SNX27: variants seen among roughly 807,000 people sequenced by gnomAD.
SNX27 encodes the protein sorting nexin 27.
A neutral mutation model predicts 71.6 loss-of-function variants in SNX27; 22 were observed. That is an observed-to-expected ratio of 0.31 (90% CI 0.22 to 0.44). The LOEUF (loss-of-function observed/expected upper bound fraction) is 0.44. Among genes scored for constraint, SNX27 ranks in the 20% least tolerant of loss-of-function variants. The probability of loss-of-function intolerance (pLI) is 1.00; values close to 1 mark genes in which losing one functional copy is unlikely to be tolerated. For missense variants in SNX27, 531 were observed against 698.6 expected, an observed-to-expected ratio of 0.76 and a Z score of 2.70; for synonymous variants, 269 against 277.2, an observed-to-expected ratio of 0.97 and a Z score of 0.29.
At chr1:151,650,410 G>C (rs1669270083) in intron 2 of SNX27, among the ~76,000 whole-genome samples, 2 of 152,006 alleles carry the variant, frequency 1.3e-5, no homozygotes, top group South Asian at 2.1e-4. Flanking sequence ...CCTGCTTGAG[G>C]AATATGTGGT....
chr1:151,656,448 G>A (rs1669697676), intron 2 of SNX27, among the ~76,000 whole-genome samples: 1 of 152,168 alleles, frequency 6.6e-6, no homozygotes, highest in African/African-American at 2.4e-5. Context: ...AACATCATTA[G>A]TAATTAGGAT....
At chr1:151,652,670 C>T (rs983270652) in intron 2 of SNX27, among the ~76,000 whole-genome samples, 2 of 152,108 alleles carry the variant, frequency 1.3e-5, no homozygotes, top group African/African-American at 4.8e-5. Context: ...CTCGACCTCC[C>T]AAAGTGCTGG....
intron 1 of SNX27, 73 bp from the exon 2 acceptor site, chr1:151,638,815 C>A: frequency 7.3e-7 from 1 of 1,363,676 alleles, no homozygotes; most frequent in Non-Finnish European, 1.0e-6. Flanking sequence ...GGAGTTTGGG[C>A]AGGAGGGTGG....
rs1489446614 is a variant in SNX27, at chr1:151,698,389, C to T, written c.*3972C>T. 6.6e-6 allele frequency: 1 copy of T among 152,670 alleles called. No individual in the cohort carries two copies. Among genetic ancestry groups the T allele is most frequent in the African/African-American group, 2.4e-5 (1 of 41,466 alleles). 9.5% of individuals were successfully genotyped at this position (152,670 alleles called of 1,614,324 possible). On this transcript the variant is annotated 3_prime_UTR_variant, in exon 12 of 12. Transcript: ENST00000458013. ...AGACCAGGAGGGACTGCTGTGCTCT[C>T]CCTTCTCGCCATCATACTGTTTGGC...
chr1:151,627,972 T>G (rs527553533), intron 1 of SNX27, among the ~76,000 whole-genome samples: 10 of 151,564 alleles, frequency 6.6e-5, no homozygotes, highest in African/African-American at 2.4e-4. Context: ...CTTGGCAACA[T>G]GGACTTAAGG....
chr1:151,684,609 A>C (rs968928420), intron 8 of SNX27, among the ~76,000 whole-genome samples: 2 of 152,204 alleles, frequency 1.3e-5, no homozygotes, highest in Non-Finnish European at 2.9e-5. Context: ...TCAATTATAC[A>C]TGCTTCTCAA....
intron 1 of SNX27, among the ~76,000 whole-genome samples, chr1:151,617,714 A>G (rs1667484207): frequency 6.6e-6 from 1 of 152,218 alleles, no homozygotes; most frequent in Non-Finnish European, 1.5e-5. Context: ...CTGGTGGCCC[A>G]TGGAAAGTAT....
chr1:151,618,111 C>T (rs902808686), intron 1 of SNX27, among the ~76,000 whole-genome samples: 1 of 151,660 alleles, frequency 6.6e-6, no homozygotes, highest in Non-Finnish European at 1.5e-5. Flanking sequence ...AGTGATCTGC[C>T]CACTTTGGCC....
intron 1 of SNX27, among the ~76,000 whole-genome samples, chr1:151,634,778 C>G (rs1041653066): frequency 2.0e-5 from 3 of 152,100 alleles, no homozygotes; most frequent in African/African-American, 7.2e-5. Flanking sequence ...TTCAAACCTA[C>G]AGAAAAATTG....
At chr1:151,675,572 A>G (rs1205258065) in intron 7 of SNX27, among the ~76,000 whole-genome samples, 1 of 150,638 alleles carries the variant, frequency 6.6e-6, no homozygotes, top group Non-Finnish European at 1.5e-5. Context: ...TTTTGTTTTG[A>G]GATGGGTTTT....
intron 7 of SNX27, among the ~76,000 whole-genome samples, chr1:151,681,233 A>ATTTTTTTT (rs1558071789): frequency 2.3e-5 from 2 of 87,370 alleles, no homozygotes; most frequent in African/African-American, 5.0e-5. Context: ...TAGTCTCTCA[A>ATTTTTTTT]TCTTTTTTTT....
At chr1:151,637,131 G>A (rs1406763685) in intron 1 of SNX27, among the ~76,000 whole-genome samples, 5 of 147,052 alleles carry the variant, frequency 3.4e-5, no homozygotes, top group African/African-American at 1.3e-4. Context: ...TACCATGCTG[G>A]TATATGATCA....
intron 2 of SNX27, among the ~76,000 whole-genome samples, chr1:151,653,858 G>A (rs1303789046): frequency 6.9e-6 from 1 of 144,164 alleles, no homozygotes; most frequent in East Asian, 2.0e-4. Context: ...TTTTGAGATG[G>A]AGTCTTGCTC....
At chr1:151,651,889 C>G (rs1400748009) in intron 2 of SNX27, among the ~76,000 whole-genome samples, 2 of 151,930 alleles carry the variant, frequency 1.3e-5, no homozygotes, top group African/African-American at 2.4e-5. Flanking sequence ...GAGATCACGC[C>G]ACTGCACTCC....
chr1:151,639,591 A>G (rs183118417), intron 2 of SNX27, among the ~76,000 whole-genome samples: 1 of 152,212 alleles, frequency 6.6e-6, no homozygotes, highest in East Asian at 1.9e-4. Context: ...TTTCCACATC[A>G]TGTTCTTTTT....
chr1:151,650,274 T>G (rs1395434241), intron 2 of SNX27, among the ~76,000 whole-genome samples: 1 of 152,126 alleles, frequency 6.6e-6, no homozygotes, highest in Non-Finnish European at 1.5e-5. Flanking sequence ...CAATCCTCCT[T>G]CCTCAGACTC....
intron 8 of SNX27, among the ~76,000 whole-genome samples, chr1:151,690,222 C>T (rs1050876395): frequency 1.3e-5 from 2 of 152,160 alleles, no homozygotes; most frequent in African/African-American, 4.8e-5. Flanking sequence ...TACCCAGCTT[C>T]GATAGCCTTC....
At chr1:151,635,372 G>A (rs1247067654) in intron 1 of SNX27, among the ~76,000 whole-genome samples, 1 of 152,098 alleles carries the variant, frequency 6.6e-6, no homozygotes, top group Admixed American at 6.6e-5. Flanking sequence ...CAGCACAATT[G>A]GTATTCAAAC....
At chr1:151,674,241 C>T (rs920855386) in intron 7 of SNX27, among the ~76,000 whole-genome samples, 6 of 152,078 alleles carry the variant, frequency 3.9e-5, no homozygotes, top group African/African-American at 1.4e-4. Context: ...TACCACAAGG[C>T]TTGCAAATAC....
Sources: gnomAD v4.1 joint callset for allele counts (sites outside exome capture counted in the v4.1 genomes callset) on GRCh38, gnomAD v4.1.1 for gene constraint, MANE v1.5 for transcripts, NCBI Gene and HGNC (gene_info 2026-07-23, HGNC 2026-07-21) for gene names.